Variants in ZFHX3 observed in about 807,000 individuals in gnomAD.
ZFHX3 encodes zinc finger homeobox protein 3.
Under a neutral mutation model 279.1 loss-of-function variants are expected in ZFHX3, and 42 were observed. The observed-to-expected ratio is 0.15, with a 90% CI of 0.12 to 0.19. The LOEUF (loss-of-function observed/expected upper bound fraction) is 0.19. Among genes scored for constraint, ZFHX3 ranks in the 10% least tolerant of loss-of-function variants. The pLI is 1.00. For missense variants in ZFHX3, 4,981 were observed against 4,754.0 expected (o/e 1.05, Z -1.40); for synonymous variants, 2,293 against 1,957.8 (o/e 1.17, Z -4.52).
intron 3 of ZFHX3, among the ~76,000 whole-genome samples, chr16:73,417,016 A>C (rs528879328): frequency 7.0e-4 from 107 of 152,180 alleles, no homozygotes; most frequent in Non-Finnish European, 7.3e-4. Context: ...CCAAGTGACC[A>C]AAGGGACTAT....
rs571174405 is a variant in ZFHX3, at chr16:73,310,189, G to A, written c.-1194+8051C>T. On this transcript the variant is annotated intron_variant, in intron 4 of 17. Transcript: ENST00000641206. ...CCCAAAGTGCTGGGATTACAGGTGT[G>A]AGCCACTGCACCCGGTCTGCTTTGG... is the stretch of plus-strand genomic sequence containing the variant. Among the ~76,000 whole-genome samples, 14 of 152,114 alleles carry A rather than the reference G, an allele frequency of 9.2e-5. No individual in the cohort carries two copies. In the East Asian group the frequency reaches 2.5e-3, roughly 27 times the overall value.
At chr16:73,053,510 G>A (rs1965487909) in intron 1 of ZFHX3, among the ~76,000 whole-genome samples, 1 of 152,148 alleles carries the variant, frequency 6.6e-6, no homozygotes, top group Non-Finnish European at 1.5e-5. Context: ...GGACAATAAG[G>A]ATGTATTAAA....
chr16:73,803,257 G>A (rs903314405), intron 1 of ZFHX3, among the ~76,000 whole-genome samples: 2 of 152,168 alleles, frequency 1.3e-5, no homozygotes, highest in Admixed American at 6.5e-5. Flanking sequence ...AGACAGTCCC[G>A]CAAATGTCAT....
At chr16:73,337,363 T>G (rs2015933903) in intron 3 of ZFHX3, among the ~76,000 whole-genome samples, 1 of 152,170 alleles carries the variant, frequency 6.6e-6, no homozygotes, top group Admixed American at 6.5e-5. Context: ...CACTGCTTTC[T>G]CTGAGGCCCC....
intron 2 of ZFHX3, among the ~76,000 whole-genome samples, chr16:73,565,494 C>T (rs535299675): frequency 6.6e-6 from 1 of 152,268 alleles, no homozygotes; most frequent in African/African-American, 2.4e-5. Flanking sequence ...AACTGTGCGT[C>T]CTTTTCCCGA....
At chr16:73,193,745 C>T (rs1205903991) in intron 5 of ZFHX3, among the ~76,000 whole-genome samples, 1 of 152,180 alleles carries the variant, frequency 6.6e-6, no homozygotes. Flanking sequence ...CATATTCTAA[C>T]TCTGCCACTT....
At chr16:73,557,615 G>A (rs2020307380) in intron 2 of ZFHX3, among the ~76,000 whole-genome samples, 1 of 152,142 alleles carries the variant, frequency 6.6e-6, no homozygotes, top group East Asian at 1.9e-4. Context: ...AACTGTCATG[G>A]TGCTGTTGGG....
At chr16:73,212,699 C>T (rs7200236) in intron 5 of ZFHX3, among the ~76,000 whole-genome samples, 5,252 of 152,298 alleles carry the variant, frequency 0.034, 124 homozygotes, top group South Asian at 0.071. Context: ...ATATACTCCA[C>T]ACATGTGCTT....
At chr16:73,082,572 T>C (rs926831503) in intron 8 of ZFHX3, among the ~76,000 whole-genome samples, 2 of 152,140 alleles carry the variant, frequency 1.3e-5, no homozygotes, top group Admixed American at 1.3e-4. Flanking sequence ...CCCAGCCAAA[T>C]GAATGAATTT....
At chr16:73,189,901 C>T (rs1311986634) in intron 5 of ZFHX3, among the ~76,000 whole-genome samples, 4 of 151,970 alleles carry the variant, frequency 2.6e-5, no homozygotes, top group Non-Finnish European at 5.9e-5. Flanking sequence ...CAAGACCAGC[C>T]TGGGCAACAT....
At chr16:73,518,687 T>G (rs1567507820) in intron 2 of ZFHX3, among the ~76,000 whole-genome samples, 1 of 152,146 alleles carries the variant, frequency 6.6e-6, no homozygotes, top group Non-Finnish European at 1.5e-5. Context: ...TGCTTTCAGG[T>G]TTTGCCGAAA....
chr16:73,138,043 A>C (rs923604142), intron 6 of ZFHX3, among the ~76,000 whole-genome samples: 2 of 152,204 alleles, frequency 1.3e-5, no homozygotes, highest in Non-Finnish European at 2.9e-5. Context: ...GGGCACAATC[A>C]GTAGAAGCCG....
At chr16:73,555,758 G>C (rs1310189808) in intron 2 of ZFHX3, among the ~76,000 whole-genome samples, 1 of 151,864 alleles carries the variant, frequency 6.6e-6, no homozygotes, top group African/African-American at 2.4e-5. Context: ...CTGGAACTCA[G>C]GAGGCGGAGG....
chr16:73,155,868 A>G (rs998203839), intron 5 of ZFHX3, among the ~76,000 whole-genome samples: 1 of 151,998 alleles, frequency 6.6e-6, no homozygotes, highest in Non-Finnish European at 1.5e-5. Flanking sequence ...GTATATATAT[A>G]TGACACATGT....
intron 2 of ZFHX3, among the ~76,000 whole-genome samples, chr16:73,613,379 A>G (rs1298751613): frequency 6.6e-6 from 1 of 151,920 alleles, no homozygotes; most frequent in Non-Finnish European, 1.5e-5. Flanking sequence ...AGCAAAAAAT[A>G]TTGACTCATT....
intron 2 of ZFHX3, among the ~76,000 whole-genome samples, chr16:73,600,667 G>C (rs954516569): frequency 6.6e-6 from 1 of 151,994 alleles, no homozygotes; most frequent in Admixed American, 6.5e-5. Flanking sequence ...TGATCCGCCC[G>C]CCTCGGCCTC....
At chr16:73,885,047 C>G (rs1236741473) in intron 1 of ZFHX3, among the ~76,000 whole-genome samples, 1 of 152,022 alleles carries the variant, frequency 6.6e-6, no homozygotes, top group Non-Finnish European at 1.5e-5. Flanking sequence ...CCTTTCTTTC[C>G]CCCCACCCAG....
intron 4 of ZFHX3, among the ~76,000 whole-genome samples, chr16:73,274,401 G>A (rs1007564730): frequency 1.3e-5 from 2 of 151,996 alleles, no homozygotes; most frequent in African/African-American, 4.8e-5. Context: ...TGTGGCTTCT[G>A]GTCTTTATCT....
intron 1 of ZFHX3, among the ~76,000 whole-genome samples, chr16:73,856,915 T>C (rs1378531023): frequency 1.3e-5 from 2 of 152,186 alleles, no homozygotes; most frequent in Non-Finnish European, 2.9e-5. Context: ...AGGTAAGTAT[T>C]GCTGTGATCA....
Sources: allele counts gnomAD v4.1 joint callset (sites outside exome capture counted in the v4.1 genomes callset), GRCh38; gene constraint gnomAD v4.1.1; transcripts MANE v1.5; gene names NCBI Gene and HGNC (gene_info 2026-07-23, HGNC 2026-07-21).